Variants in CLVS1 observed in about 807,000 individuals in gnomAD.
CLVS1 encodes the protein clavesin 1, also known as clavesin-1.
In CLVS1, 10 loss-of-function variants were observed where a neutral mutation model predicts 33.1. The ratio of observed to expected loss-of-function variants is 0.30; its 90% CI spans 0.19 to 0.51. The LOEUF is 0.51. Ranked by LOEUF, CLVS1 falls within the 20% of genes least tolerant of loss-of-function variation. The pLI, the probability that CLVS1 is intolerant of heterozygous loss-of-function variation, is 0.97. For missense variants in CLVS1, 343 were observed against 433.4 expected (o/e 0.79, Z 1.85); for synonymous variants, 163 against 166.1 (o/e 0.98, Z 0.14).
At chr8:60,987,694 A>C in the CLVS1 span, among the ~76,000 whole-genome samples, 97 of 152,308 alleles carry the variant, frequency 6.4e-4, 1 homozygote, top group African/African-American at 2.3e-3. Context: ...CACTGAGCAC[A>C]GTTCCTGACA....
At chr8:61,051,090 A>G in the CLVS1 span, among the ~76,000 whole-genome samples, 1 of 152,324 alleles carries the variant, frequency 6.6e-6, no homozygotes, top group East Asian at 1.9e-4. Context: ...TGGCTTCATT[A>G]TCTCACCTGT....
chr8:61,034,594 T>C, the CLVS1 span, among the ~76,000 whole-genome samples: 1 of 152,238 alleles, frequency 6.6e-6, no homozygotes, highest in South Asian at 2.1e-4. Flanking sequence ...TTGCTTTACA[T>C]TCCACGTGTA....
intron 1 of CLVS1, among the ~76,000 whole-genome samples, chr8:61,068,260 C>G (rs6986316): frequency 7.6e-6 from 1 of 131,394 alleles, no homozygotes; most frequent in Non-Finnish European, 1.6e-5. Flanking sequence ...TATATATATA[C>G]ATACATACAC....
chr8:61,418,227 G>A (rs1815519119), intron 3 of CLVS1, among the ~76,000 whole-genome samples: 1 of 152,130 alleles, frequency 6.6e-6, no homozygotes, highest in Non-Finnish European at 1.5e-5. Flanking sequence ...ATTAGAGTCA[G>A]GCATGTTGGT....
chr8:61,094,860 G>A (rs575791011), intron 1 of CLVS1, among the ~76,000 whole-genome samples: 2 of 152,296 alleles, frequency 1.3e-5, no homozygotes, highest in South Asian at 4.1e-4. Context: ...TTACCCACCC[G>A]ATCAGTGGTG....
At chr8:61,357,489 C>CTTTTATTTATTTATTTTT (rs1462908906) in intron 2 of CLVS1, among the ~76,000 whole-genome samples, 1 of 30,284 alleles carries the variant, frequency 3.3e-5, no homozygotes, top group African/African-American at 1.1e-4. Flanking sequence ...TTTCCTTTTT[C>CTTTTATTTATTTATTTTT]TTTTCTTTTT....
At chr8:61,232,022 G>GTTTTTTGTTTGT (rs376185436) in intron 2 of CLVS1, among the ~76,000 whole-genome samples, 1 of 117,070 alleles carries the variant, frequency 8.5e-6, no homozygotes, top group South Asian at 3.0e-4. Flanking sequence ...GGAAAGTTGT[G>GTTTTTTGTTTGT]GTTTTTTTTT....
intron 5 of CLVS1, among the ~76,000 whole-genome samples, chr8:61,480,367 TA>T (rs1364549747): frequency 4.6e-5 from 7 of 152,160 alleles, no homozygotes; most frequent in Admixed American, 4.6e-4. Flanking sequence ...TCCGTGGGCG[TA>T]GGATGCTCCG....
chr8:61,162,121 G>C (rs1179264234), intron 2 of CLVS1, among the ~76,000 whole-genome samples: 1 of 152,140 alleles, frequency 6.6e-6, no homozygotes, highest in African/African-American at 2.4e-5. Flanking sequence ...TTTGTCCCAG[G>C]CCATTGCATG....
intron 2 of CLVS1, among the ~76,000 whole-genome samples, chr8:61,362,232 G>A (rs1643288782): frequency 6.6e-6 from 1 of 152,144 alleles, no homozygotes; most frequent in South Asian, 2.1e-4. Flanking sequence ...TGGGACATTT[G>A]GCCAAGACCT....
chr8:61,199,528 A>G (rs1283596675), intron 2 of CLVS1, among the ~76,000 whole-genome samples: 1 of 152,260 alleles, frequency 6.6e-6, no homozygotes, highest in Admixed American at 6.5e-5. Flanking sequence ...ACTAATTATT[A>G]GGGAAATGCA....
At position 61,238,462 on chromosome 8, in the gene CLVS1, G is replaced by A. The variant is rs147743120; in HGVS notation, c.-151-61215G>A. Among the ~76,000 whole-genome samples the A allele has an allele frequency of 8.3e-4, 127 of 152,106 alleles. 2 individuals are homozygous for A. Among genetic ancestry groups the A allele is most frequent in the Admixed American group, 3.3e-3 (51 of 15,282 alleles). On this transcript the variant is annotated intron_variant, in intron 2 of 2. Transcript: ENST00000522621. Reference sequence around the variant, plus strand: ...ATAAGTTATTAGAAGGCTGTGGTGCGACTCCTGAAGCAAAGAGGATGGCTG... The same window carrying A: ...ATAAGTTATTAGAAGGCTGTGGTGCAACTCCTGAAGCAAAGAGGATGGCTG...
the CLVS1 span, among the ~76,000 whole-genome samples, chr8:60,991,265 A>G: frequency 6.6e-6 from 1 of 152,212 alleles, no homozygotes; most frequent in East Asian, 1.9e-4. Context: ...TGTATAGGTA[A>G]AGAGGAAAAA....
At chr8:61,013,139 G>A in the CLVS1 span, among the ~76,000 whole-genome samples, 1 of 152,218 alleles carries the variant, frequency 6.6e-6, no homozygotes, top group African/African-American at 2.4e-5. Flanking sequence ...ACATTGCCAA[G>A]TGGGCTGTTT....
intron 3 of CLVS1, chr8:61,391,130 G>T (rs969246992): frequency 2.0e-5 from 3 of 152,222 alleles, no homozygotes; most frequent in Non-Finnish European, 1.5e-5. Context: ...CATTTTAGAA[G>T]ATGGATAAAA....
intron 3 of CLVS1, among the ~76,000 whole-genome samples, chr8:61,414,327 T>C (rs1815345089): frequency 6.6e-6 from 1 of 152,030 alleles, no homozygotes; most frequent in Non-Finnish European, 1.5e-5. Context: ...TGCCAGGGGA[T>C]TTTCAACAAT....
At chr8:61,289,939 T>A (rs1248374507) in intron 1 of CLVS1, among the ~76,000 whole-genome samples, 1 of 152,202 alleles carries the variant, frequency 6.6e-6, no homozygotes, top group Non-Finnish European at 1.5e-5. Flanking sequence ...AAATATGTGG[T>A]GAAATGGATT....
chr8:61,429,347 G>C (rs1274279404), intron 3 of CLVS1, among the ~76,000 whole-genome samples: 1 of 151,218 alleles, frequency 6.6e-6, no homozygotes, highest in East Asian at 1.9e-4. Flanking sequence ...TTGAACCTGG[G>C]AGGTAGAGGT....
chr8:61,279,413 A>G (rs1809626206), intron 2 of CLVS1, among the ~76,000 whole-genome samples: 1 of 152,148 alleles, frequency 6.6e-6, no homozygotes, highest in Non-Finnish European at 1.5e-5. Context: ...TTTTCTAATG[A>G]TCTCTCAGAG....
Sources: gnomAD v4.1 joint callset for allele counts (sites outside exome capture counted in the v4.1 genomes callset) on GRCh38, gnomAD v4.1.1 for gene constraint, MANE v1.5 for transcripts, NCBI Gene and HGNC (gene_info 2026-07-23, HGNC 2026-07-21) for gene names.